Variants in GPAT3 observed in about 807,000 individuals in gnomAD.
The protein encoded by GPAT3 is 1-AGP acyltransferase 9.
Under a neutral mutation model 58.8 loss-of-function variants are expected in GPAT3, and 53 were observed. The ratio of observed to expected loss-of-function variants is 0.90; its 90% confidence interval spans 0.72 to 1.13. The LOEUF (loss-of-function observed/expected upper bound fraction) is 1.13, where lower values mean the gene tolerates loss of function less well. GPAT3 is among the 50% of genes most tolerant of loss of function. The pLI, the probability that GPAT3 is intolerant of heterozygous loss-of-function variation, is 0.00. For missense variants in GPAT3, 511 were observed against 527.6 expected (o/e 0.97, Z 0.31); for synonymous variants, 197 against 187.4 (o/e 1.05, Z -0.42).
rs551285163 is a variant in GPAT3 at position 83,580,539 on chromosome 4, C to A, written c.209-1023C>A. 4.1e-4 allele frequency among the ~76,000 whole-genome samples: 62 copies of A among 152,280 alleles called. 1 individual carries two copies. On this transcript the variant is annotated intron_variant, in intron 2 of 11. Transcript: ENST00000264409. The stretch of plus-strand genomic sequence containing the variant: ...GATCATCAGCAAAACTATCTTCAGT[C>A]TTTTCATTGCCAAACCAACTTTGAC...
At chr4:83,569,942 T>C (rs1578179042) in intron 2 of GPAT3, among the ~76,000 whole-genome samples, 1 of 152,220 alleles carries the variant, frequency 6.6e-6, no homozygotes, top group South Asian at 2.1e-4. Flanking sequence ...GGGCCATATA[T>C]AGATTTTCTT....
chr4:83,604,812 T>C lies in GPAT3; in HGVS notation c.*45T>C. On this transcript the variant is annotated 3_prime_UTR_variant, in exon 12 of 12. Coordinates refer to ENST00000264409, the MANE Select transcript of GPAT3 (RefSeq NM_032717.5). ...TAGATCTAGAACTAGCCCTTAGAAA[T>C]GGAATGGCTTTTTTTGTTTTGTTTT... The C allele has an allele frequency of 7.0e-7, 1 of 1,425,104 alleles. No homozygotes were observed. The highest frequency in any genetic ancestry group is 9.6e-7 in the Non-Finnish European group (1 of 1,042,112). The allele number at this position is 1,425,104 out of a possible 1,614,324, so 88.3% of individuals were successfully genotyped here.
intron 2 of GPAT3, among the ~76,000 whole-genome samples, chr4:83,577,793 T>A (rs1295148778): frequency 7.4e-6 from 1 of 135,012 alleles, no homozygotes; most frequent in Non-Finnish European, 1.6e-5. Flanking sequence ...TGTGGCTTTT[T>A]TTTTTTTTTT....
At chr4:83,562,213 A>ATATATATATAATATATATATAT (rs1560611100) in intron 2 of GPAT3, among the ~76,000 whole-genome samples, 1 of 20,366 alleles carries the variant, frequency 4.9e-5, no homozygotes, top group African/African-American at 4.3e-4. Context: ...TATATATATT[A>ATATATATATAATATATATATAT]TATATATATA....
intron 2 of GPAT3, among the ~76,000 whole-genome samples, chr4:83,556,861 A>G (rs901797030): frequency 6.6e-6 from 1 of 152,154 alleles, no homozygotes; most frequent in African/African-American, 2.4e-5. Context: ...ACAAAATACC[A>G]TAGAGTGGGT....
At chr4:83,593,899 A>G (rs1212205462) in intron 6 of GPAT3, among the ~76,000 whole-genome samples, 1 of 152,162 alleles carries the variant, frequency 6.6e-6, no homozygotes, top group Admixed American at 6.5e-5. Flanking sequence ...TATGTAGGGT[A>G]TCAATATGCT....
intron 4 of GPAT3, among the ~76,000 whole-genome samples, chr4:83,587,617 G>A (rs537550298): frequency 2.0e-5 from 3 of 151,984 alleles, no homozygotes; most frequent in African/African-American, 7.3e-5. Context: ...TAGTAGAGAC[G>A]GGGTTTCACC....
intron 3 of GPAT3, among the ~76,000 whole-genome samples, chr4:83,583,326 T>G (rs1726236340): frequency 6.6e-6 from 1 of 151,626 alleles, no homozygotes; most frequent in Non-Finnish European, 1.5e-5. Context: ...GAAAAAAAGC[T>G]TCTGTTCGCT....
chr4:83,587,190 G>GT, intron 3 of GPAT3, 65 bp from the exon 4 acceptor site: 1 of 1,275,138 alleles, frequency 7.8e-7, no homozygotes, highest in Non-Finnish European at 1.1e-6. Context: ...TATTATTTAG[G>GT]AACTTTTTGG....
intron 2 of GPAT3, among the ~76,000 whole-genome samples, chr4:83,565,776 C>G (rs62305335): frequency 6.6e-6 from 1 of 152,096 alleles, no homozygotes; most frequent in African/African-American, 2.4e-5. Flanking sequence ...TCCAGGGGAC[C>G]GGAGCGTCGG....
chr4:83,543,578 A>G lies in GPAT3; in HGVS notation c.142-958A>G, dbSNP rs561762336. On this transcript the variant is annotated intron_variant, in intron 1 of 11. Transcript: ENST00000264409. ...TCATAATTGTAACATTTTCCTATGC[A>G]TCTTCATAAGTAACCATGTGGACAG... 6.6e-5 allele frequency among the ~76,000 whole-genome samples: 10 copies of G among 152,282 alleles called. No individual in the cohort carries two copies. The South Asian group carries it at 2.1e-3, about 32-fold the overall frequency.
rs555761984 is a variant in GPAT3, at chr4:83,556,850, A to G, written c.208+12248A>G. 1.1e-4 allele frequency among the ~76,000 whole-genome samples: 17 copies of G among 152,258 alleles called. 1 individual carries two copies. In the South Asian group the frequency reaches 3.5e-3, roughly 32 times the overall value. ...TGTCTTAGTCCACTCAGGCTGCTAT[A>G]ACAAAATACCATAGAGTGGGTGGCT... is the stretch of plus-strand genomic sequence containing the variant. On this transcript the variant is annotated intron_variant, in intron 2 of 11. Transcript: ENST00000264409.
chr4:83,581,093 C>T (rs1627252), intron 2 of GPAT3, among the ~76,000 whole-genome samples: 1 of 60,456 alleles, frequency 1.7e-5, no homozygotes, highest in Non-Finnish European at 3.0e-5. Context: ...AAGACTCCGT[C>T]TCAAAAAAAA....
chr4:83,544,636 AT>A (rs1490479436), intron 2 of GPAT3, 34 bp downstream of exon 2: 1 of 1,603,948 alleles, frequency 6.2e-7, no homozygotes, highest in Non-Finnish European at 8.5e-7. Context: ...TTGTTACCAT[AT>A]TTAAATTGGG....
chr4:83,536,500 G>T lies in GPAT3; in HGVS notation c.-123G>T. The T allele has an allele frequency of 1.3e-6, 2 of 1,490,912 alleles. No homozygotes were observed. Among genetic ancestry groups the T allele is most frequent in the South Asian group, 1.4e-5 (1 of 71,470 alleles). 92.4% of individuals were successfully genotyped at this position (1,490,912 alleles called of 1,614,324 possible). ...TTTTTTTCCTTCCTCTCTTCCCTTC[G>T]CAGAGGTGAGTGCCGGGCTCGGCGC... On this transcript the variant is annotated 5_prime_UTR_variant, in exon 1 of 12. Transcript: ENST00000264409.
At chr4:83,560,923 A>T (rs1344635869) in intron 2 of GPAT3, among the ~76,000 whole-genome samples, 1 of 152,152 alleles carries the variant, frequency 6.6e-6, no homozygotes, top group Non-Finnish European at 1.5e-5. Flanking sequence ...AGGCCTCCCC[A>T]GAAGCAGATG....
Position 83,536,342 on chromosome 4 carries a change from C to T in GPAT3, c.-281C>T. The T allele has an allele frequency of 1.7e-6, 2 of 1,163,488 alleles. No individual in the cohort carries two copies. The highest frequency in any genetic ancestry group is 2.1e-6 in the Non-Finnish European group (2 of 942,512). The allele number at this position is 1,163,488 out of a possible 1,614,324, so 72.1% of individuals were successfully genotyped here. A position where few individuals can be genotyped will look rare whatever the true frequency, so the allele number is the denominator to read the frequency against. ...GCTTACCCGCAGCTCCGACCACTGGCTCGCGCTACCCAGGTCTCCGCACGC... is the reference window on the plus strand; with the variant it reads ...GCTTACCCGCAGCTCCGACCACTGGTTCGCGCTACCCAGGTCTCCGCACGC... On this transcript the variant is annotated 5_prime_UTR_variant, in exon 1 of 12. Coordinates refer to ENST00000264409, the MANE Select transcript of GPAT3 (RefSeq NM_032717.5).
chr4:83,579,065 TCTTTCTTTCTTTCTTC>T (rs1166214262), intron 2 of GPAT3, among the ~76,000 whole-genome samples: 1,908 of 42,882 alleles, frequency 0.044, 323 homozygotes, highest in Non-Finnish European at 0.062. Context: ...TTTCTTTCTT[TCTTTCTTTCTTTCTTC>T]CCTTCCTTCC....
intron 2 of GPAT3, among the ~76,000 whole-genome samples, chr4:83,560,629 A>G (rs1449673734): frequency 2.0e-5 from 3 of 152,156 alleles, no homozygotes; most frequent in Non-Finnish European, 2.9e-5. Flanking sequence ...AATACTGGTG[A>G]TACAGTTTGG....
Sources: allele counts gnomAD v4.1 joint callset (sites outside exome capture counted in the v4.1 genomes callset), GRCh38; gene constraint gnomAD v4.1.1; transcripts MANE v1.5; gene names NCBI Gene and HGNC (gene_info 2026-07-23, HGNC 2026-07-21).